CHODL: variants seen among roughly 807,000 people sequenced by gnomAD.
CHODL encodes the protein chondrolectin.
CHODL carries 29 observed loss-of-function variants against 34.5 expected under a neutral mutation model. The observed-to-expected ratio is 0.84, with a 90% confidence interval of 0.63 to 1.15. The LOEUF (loss-of-function observed/expected upper bound fraction) is 1.15. CHODL is among the 50% of genes most tolerant of loss of function. CHODL has a pLI of 0.00. For missense variants in CHODL, 332 were observed against 332.5 expected (o/e 1.00, Z 0.01); for synonymous variants, 125 against 116.1 (o/e 1.08, Z -0.49).
At chr21:18,238,784 T>C (rs1344725116) in intron 2 of CHODL, among the ~76,000 whole-genome samples, 5 of 152,166 alleles carry the variant, frequency 3.3e-5, no homozygotes, top group African/African-American at 9.7e-5. Context: ...CCTAGTCTTG[T>C]ATGAAGAACT....
rs1309244107 is a variant in CHODL at position 18,256,674 on chromosome 21, G to T, written c.245G>T (p.Ser82Ile). The T allele has an allele frequency of 1.2e-6, 2 of 1,613,996 alleles. No homozygotes were observed. The highest frequency in any genetic ancestry group is 1.7e-6 in the Non-Finnish European group (2 of 1,179,978). The change falls in exon 2 of 6, where the codon AGC (serine) becomes ATC (isoleucine). Residue 82 changes from serine (S) to isoleucine (I), a missense_variant. Coordinates refer to ENST00000299295, the MANE Select transcript of CHODL (RefSeq NM_024944.3). ...ENEAEQKLIE[S>I]MLQNLTKPGT... ...GAAGCAGAACAGAAGTTAATAGAGA[G>T]CATGTTGCAAAACCTGACAAAACCC...
chr21:18,005,962 G>A (rs2063956973), intron 1 of CHODL, among the ~76,000 whole-genome samples: 1 of 152,168 alleles, frequency 6.6e-6, no homozygotes, highest in Non-Finnish European at 1.5e-5. Context: ...GGGAACCCAC[G>A]GGGAAGTGAC....
intron 2 of CHODL, among the ~76,000 whole-genome samples, chr21:18,108,494 C>G (rs1413273625): frequency 6.6e-6 from 1 of 152,170 alleles, no homozygotes; most frequent in African/African-American, 2.4e-5. Flanking sequence ...GCTTCACAAA[C>G]CACTGAATGA....
At chr21:18,021,303 CTAAG>C (rs1305515670) in intron 1 of CHODL, among the ~76,000 whole-genome samples, 1 of 152,158 alleles carries the variant, frequency 6.6e-6, no homozygotes, top group South Asian at 2.1e-4. Context: ...ATTCTTGAGG[CTAAG>C]TGACAATCAA....
chr21:18,020,606 C>T (rs545427835), intron 1 of CHODL, among the ~76,000 whole-genome samples: 7 of 152,240 alleles, frequency 4.6e-5, no homozygotes, highest in South Asian at 2.1e-4. Context: ...AGTTCTTCTT[C>T]GCATAGAAAA....
chr21:18,130,379 C>CGATA (rs2072640175), intron 2 of CHODL, among the ~76,000 whole-genome samples: 1 of 152,214 alleles, frequency 6.6e-6, no homozygotes, highest in Non-Finnish European at 1.5e-5. Context: ...CTGACTCTAT[C>CGATA]TTCTCTCAGC....
chr21:18,203,591 C>G (rs574556283), intron 2 of CHODL, among the ~76,000 whole-genome samples: 35 of 151,932 alleles, frequency 2.3e-4, no homozygotes, highest in African/African-American at 8.2e-4. Context: ...ACAACACTGT[C>G]TGTCATTCCC....
chr21:18,193,799 C>T (rs923935741), intron 2 of CHODL, among the ~76,000 whole-genome samples: 1 of 151,766 alleles, frequency 6.6e-6, no homozygotes, highest in African/African-American at 2.4e-5. Context: ...GTAAACTCAT[C>T]ATTCAAGATT....
intron 1 of CHODL, among the ~76,000 whole-genome samples, chr21:17,994,276 G>A (rs1438771236): frequency 2.6e-5 from 4 of 152,186 alleles, no homozygotes; most frequent in Non-Finnish European, 4.4e-5. Context: ...GCATGCTTGG[G>A]TACAGGTGGT....
chr21:18,096,140 A>T (rs1232268353), intron 2 of CHODL, among the ~76,000 whole-genome samples: 1 of 152,140 alleles, frequency 6.6e-6, no homozygotes, highest in Non-Finnish European at 1.5e-5. Flanking sequence ...GATTTCATGG[A>T]CATTGATCAC....
At chr21:17,942,304 CA>C (rs1175899927) in intron 1 of CHODL, among the ~76,000 whole-genome samples, 2 of 152,066 alleles carry the variant, frequency 1.3e-5, no homozygotes, top group East Asian at 3.9e-4. Context: ...GGGAGGGACC[CA>C]GTGGGAGGTA....
intron 2 of CHODL, among the ~76,000 whole-genome samples, chr21:18,237,099 A>G (rs530696706): frequency 1.2e-4 from 18 of 152,250 alleles, no homozygotes; most frequent in African/African-American, 4.1e-4. Context: ...AGCTTCATGT[A>G]GGATGTGAAA....
chr21:18,207,707 A>G (rs1555882641), intron 2 of CHODL, among the ~76,000 whole-genome samples: 9 of 61,146 alleles, frequency 1.5e-4, no homozygotes. Flanking sequence ...TTTATCTTTC[A>G]TGTTTAAAGG....
chr21:18,114,755 G>C (rs550845073), intron 2 of CHODL: 4 of 152,368 alleles, frequency 2.6e-5, no homozygotes, highest in African/African-American at 9.6e-5. Flanking sequence ...TTTTAAACAA[G>C]TGATTTCTTA....
At chr21:17,926,984 ACACACACACG>A (rs1467831952) in intron 1 of CHODL, among the ~76,000 whole-genome samples, 1 of 151,392 alleles carries the variant, frequency 6.6e-6, no homozygotes, top group Non-Finnish European at 1.5e-5. Flanking sequence ...ACAGACACAC[ACACACACACG>A]CACACACACA....
chr21:18,046,435 G>A (rs144401906), intron 2 of CHODL, among the ~76,000 whole-genome samples: 3 of 151,978 alleles, frequency 2.0e-5, no homozygotes, highest in South Asian at 2.1e-4. Flanking sequence ...AATACATTAC[G>A]GGGACCAGAT....
chr21:18,139,296 C>T (rs919760789), intron 2 of CHODL, among the ~76,000 whole-genome samples: 6 of 151,758 alleles, frequency 4.0e-5, no homozygotes, highest in South Asian at 2.1e-4. Flanking sequence ...TGAAGGACTA[C>T]GTAGAGAGAA....
At chr21:18,021,197 T>C (rs2064124679) in intron 1 of CHODL, among the ~76,000 whole-genome samples, 1 of 152,150 alleles carries the variant, frequency 6.6e-6, no homozygotes, top group Non-Finnish European at 1.5e-5. Context: ...AACCCAGAGA[T>C]ACTCTGAAAT....
intron 2 of CHODL, among the ~76,000 whole-genome samples, chr21:18,194,974 A>G (rs949335318): frequency 2.6e-5 from 4 of 151,990 alleles, no homozygotes; most frequent in Non-Finnish European, 4.4e-5. Flanking sequence ...AAAACCTAAA[A>G]TCTACTCATT....
Sources: allele counts gnomAD v4.1 joint callset (sites outside exome capture counted in the v4.1 genomes callset), GRCh38; gene constraint gnomAD v4.1.1; transcripts MANE v1.5; gene names NCBI Gene and HGNC (gene_info 2026-07-23, HGNC 2026-07-21).